The following GALK2 variants were observed in gnomAD, a reference collection of about 807,000 sequenced individuals.
GALK2 encodes the protein galactokinase 2.
A neutral mutation model predicts 52.4 loss-of-function variants in GALK2; 36 were observed. That is an observed-to-expected ratio of 0.69 (90% CI 0.53 to 0.91). The LOEUF (loss-of-function observed/expected upper bound fraction) is 0.91, where lower values mean the gene tolerates loss of function less well. GALK2 is among the 40% of genes least tolerant of loss of function. The pLI is 0.00. For synonymous variants in GALK2, 176 were observed against 199.1 expected (o/e 0.88, Z 0.98); for missense variants, 579 against 559.1 (o/e 1.04, Z -0.36).
upstream of GALK2, among the ~76,000 whole-genome samples, chr15:49,168,709 A>G (rs2084906990): frequency 6.7e-6 from 1 of 149,234 alleles, no homozygotes; most frequent in Admixed American, 6.6e-5. Context: ...CAAAGAGCGA[A>G]ACTCCATCTA....
Position 49,319,945 on chromosome 15 carries a change from G to A in GALK2, c.1169+140G>A, listed in dbSNP as rs1258570660. 7.0e-6 allele frequency: 5 copies of A among 709,558 alleles called. No individual in the cohort carries two copies. The African/African-American group carries it at 7.1e-5, about 10-fold the overall frequency. The allele number at this position is 709,558 out of a possible 1,614,324, so 44.0% of individuals were successfully genotyped here. The stretch of plus-strand genomic sequence containing the variant: ...TATGAGGAGTCTCTGATGATACAGA[G>A]CTACACTTGTTCCCTTCTAAATACC... On this transcript the variant is annotated intron_variant, in intron 9 of 9. Coordinates refer to ENST00000560031, the MANE Select transcript of GALK2 (RefSeq NM_002044.4).
chr15:49,295,913 T>C (rs2034435263), intron 8 of GALK2, among the ~76,000 whole-genome samples: 1 of 152,186 alleles, frequency 6.6e-6, no homozygotes, highest in Non-Finnish European at 1.5e-5. Context: ...TCCTTTCTTT[T>C]AGATTTTTTT....
At chr15:49,335,664 A>G (rs2039581694), downstream of GALK2, among the ~76,000 whole-genome samples, 1 of 152,228 alleles carries the variant, frequency 6.6e-6, no homozygotes, top group South Asian at 2.1e-4. Flanking sequence ...AGAGGACTGA[A>G]AGAAGAAAAC....
intron 2 of GALK2, among the ~76,000 whole-genome samples, chr15:49,204,296 ATT>A (rs780300832): frequency 4.3e-5 from 6 of 138,074 alleles, no homozygotes; most frequent in Admixed American, 7.2e-5. Context: ...TTCTTCTTTT[ATT>A]TTTTTTTTTG....
At position 49,172,365 on chromosome 15, in the gene GALK2, T is replaced by G. The variant is rs948984934; in HGVS notation, c.53+1990T>G. ...AGATCATAGTAGATAAGCTCTGCCG[T>G]TTTCTTGTTTTTCATTTGTGCACAA... On this transcript the variant is annotated intron_variant, in intron 1 of 9. Transcript: ENST00000560031. Among the ~76,000 whole-genome samples, 4 of 152,218 alleles carry G rather than the reference T, an allele frequency of 2.6e-5. 1 individual carries two copies. Among genetic ancestry groups the G allele is most frequent in the Middle Eastern group, 6.3e-3 (2 of 316 alleles).
chr15:49,230,653 C>A (rs1464937406), intron 3 of GALK2, among the ~76,000 whole-genome samples: 1 of 152,128 alleles, frequency 6.6e-6, no homozygotes, highest in Non-Finnish European at 1.5e-5. Context: ...ATGGTCTACC[C>A]CAGATCCAGA....
chr15:49,355,246 C>T lies in GALK2; in HGVS notation c.427-12245C>T, dbSNP rs1391283866. ...AGGAACAAAGCTGGATGGAGAATGACTTTGAAGAGCTCAGAGAAGAAGGCT... is the reference window on the plus strand; with the variant it reads ...AGGAACAAAGCTGGATGGAGAATGATTTTGAAGAGCTCAGAGAAGAAGGCT... On this transcript the variant is annotated intron_variant, in intron 3 of 3. Coordinates refer to the GALK2 transcript ENST00000558399. Among the ~76,000 whole-genome samples, 3 of 152,352 alleles carry T rather than the reference C, an allele frequency of 2.0e-5. No individual in the cohort carries two copies. In the East Asian group the frequency reaches 5.8e-4, roughly 29 times the overall value.
chr15:49,286,421 G>A (rs1487479508), intron 7 of GALK2, among the ~76,000 whole-genome samples: 1 of 152,174 alleles, frequency 6.6e-6, no homozygotes, highest in South Asian at 2.1e-4. Flanking sequence ...GGTGTGTAAA[G>A]TATAGTTTTC....
intron 8 of GALK2, among the ~76,000 whole-genome samples, chr15:49,315,220 G>A (rs569787063): frequency 1.3e-5 from 2 of 152,226 alleles, no homozygotes; most frequent in East Asian, 3.9e-4. Flanking sequence ...AATAGGATAG[G>A]CCATTAACAA....
At position 49,164,780 on chromosome 15, in the gene GALK2, CAAAAAAAAAAAAAA is replaced by C. The variant is rs36107125; in HGVS notation, c.20+8777_20+8790del. On this transcript the variant is annotated intron_variant, in intron 1 of 9. Coordinates refer to the GALK2 transcript ENST00000327171. ...GGATGACAAAAGCAAAACTCCGTCT[CAAAAAAAAAAAAAA>C]AAAAAAAAAAAAGAAATAAAAAGGA... Among the ~76,000 whole-genome samples, 12 of 65,200 alleles carry C rather than the reference CAAAAAAAAAAAAAA, an allele frequency of 1.8e-4. No homozygotes were observed. In the South Asian group the frequency reaches 3.2e-3, roughly 17 times the overall value. 42.8% of individuals were successfully genotyped at this position (65,200 alleles called of 152,430 possible). A position where few individuals can be genotyped will look rare whatever the true frequency, so the allele number is the denominator to read the frequency against.
At chr15:49,161,000 A>T (rs1264093691) in intron 1 of GALK2, among the ~76,000 whole-genome samples, 1 of 152,250 alleles carries the variant, frequency 6.6e-6, no homozygotes, top group African/African-American at 2.4e-5. Context: ...TTATTTGCTC[A>T]GAGTAATCAA....
intron 5 of GALK2, among the ~76,000 whole-genome samples, chr15:49,246,525 C>T (rs2091359098): frequency 6.6e-6 from 1 of 152,018 alleles, no homozygotes; most frequent in African/African-American, 2.4e-5. Context: ...AAGAGAAAAC[C>T]CATATTATCT....
intron 3 of GALK2, among the ~76,000 whole-genome samples, chr15:49,357,951 G>A (rs374335634): frequency 1.3e-5 from 2 of 152,020 alleles, no homozygotes; most frequent in South Asian, 4.2e-4. Flanking sequence ...ATCAATAAAT[G>A]TAATCCAGCA....
At chr15:49,355,888 T>A (rs1320232872) in intron 3 of GALK2, among the ~76,000 whole-genome samples, 2 of 152,064 alleles carry the variant, frequency 1.3e-5, no homozygotes, top group Non-Finnish European at 2.9e-5. Context: ...TAACAGTGGA[T>A]CTCTCGGCAG....
At chr15:49,316,479 G>T (rs138838537) in intron 8 of GALK2, among the ~76,000 whole-genome samples, 4 of 150,564 alleles carry the variant, frequency 2.7e-5, no homozygotes, top group Admixed American at 1.3e-4. Context: ...GTGGGGGTAG[G>T]GGGGAGGGAT....
Position 49,239,260 on chromosome 15 carries a change from C to G in GALK2, c.397C>G (p.Leu133Val). 6.2e-7 allele frequency: 1 copy of G among 1,614,086 alleles called. No individual in the cohort carries two copies. Among genetic ancestry groups the G allele is most frequent in the East Asian group, 2.2e-5 (1 of 44,870 alleles). Residue 133 changes from leucine to valine, a missense_variant, in exon 5 of 10, where the codon CTG becomes GTG. Coordinates refer to ENST00000560031, the MANE Select transcript of GALK2 (RefSeq NM_002044.4). ...GLSNLTGMNCLVDGNIPPSSG... is the reference protein window; with the variant it reads ...GLSNLTGMNCVVDGNIPPSSG... The stretch of plus-strand genomic sequence containing the variant: ...TAGTAACCTGACTGGAATGAACTGC[C>G]TGGTAGATGGAAATATCCCACCAAG...
At chr15:49,197,249 G>C (rs1381223554) in intron 1 of GALK2, among the ~76,000 whole-genome samples, 2 of 152,146 alleles carry the variant, frequency 1.3e-5, no homozygotes, top group Non-Finnish European at 2.9e-5. Context: ...GAATCACCTT[G>C]TTTTAGTTAT....
At chr15:49,243,166 T>G (rs2091181226) in intron 5 of GALK2, among the ~76,000 whole-genome samples, 1 of 152,110 alleles carries the variant, frequency 6.6e-6, no homozygotes, top group South Asian at 2.1e-4. Flanking sequence ...TGAGGACTAT[T>G]TAGACCCTAA....
chr15:49,162,237 CA>C (rs1222253261), intron 1 of GALK2, among the ~76,000 whole-genome samples: 2 of 152,162 alleles, frequency 1.3e-5, no homozygotes, highest in African/African-American at 4.8e-5. Context: ...TGGAATCATG[CA>C]ATATGTACTC....
Sources: allele counts gnomAD v4.1 joint callset (sites outside exome capture counted in the v4.1 genomes callset), GRCh38; gene constraint gnomAD v4.1.1; transcripts MANE v1.5; gene names NCBI Gene and HGNC (gene_info 2026-07-23, HGNC 2026-07-21).